Variants in DRD3 observed in about 807,000 individuals in gnomAD.
The protein encoded by DRD3 is dopamine receptor D3, also known as D(3) dopamine receptor.
In DRD3, 19 loss-of-function variants were observed where a neutral mutation model predicts 36.3. The ratio of observed to expected loss-of-function variants is 0.52; its 90% CI spans 0.36 to 0.77. The LOEUF is 0.77. Ranked by LOEUF, DRD3 falls within the 30% of genes least tolerant of loss-of-function variation. The pLI is 0.00. For synonymous variants in DRD3, 195 were observed against 203.7 expected (o/e 0.96, Z 0.36); for missense variants, 465 against 505.3 (o/e 0.92, Z 0.77).
intron 1 of DRD3, among the ~76,000 whole-genome samples, chr3:114,191,229 A>G (rs1422155867): frequency 6.6e-6 from 1 of 152,234 alleles, no homozygotes; most frequent in African/African-American, 2.4e-5. Flanking sequence ...GATAATGGTG[A>G]ACATTATGCA....
chr3:114,164,211 C>A (rs111248254), intron 2 of DRD3, among the ~76,000 whole-genome samples: 30,115 of 110,000 alleles, frequency 0.27, 4,130 homozygotes, highest in Middle Eastern at 0.4. Context: ...ATAGAGCGAG[C>A]CTCAGTCTCA....
chr3:114,139,792 C>CTT, intron 4 of DRD3, 96 bp from the exon 5 acceptor site: 1 of 1,161,926 alleles, frequency 8.6e-7, no homozygotes, highest in Non-Finnish European at 1.2e-6. Flanking sequence ...GGTGCCTGCA[C>CTT]TTTCTGCTGC....
chr3:114,128,735 A>AG lies in DRD3; in HGVS notation c.1183dup (p.Leu395ProfsTer69). On this transcript the variant is annotated frameshift_variant, in exon 7 of 7. Coordinates refer to ENST00000383673, the MANE Select transcript of DRD3 (RefSeq NM_000796.6). LOFTEE classifies it high-confidence loss of function. ...GCTCCCTCAGCAAGACAGGATCTTG[A>AG]GGAAGGCTTTCCGGAACTCGATATT... 6.2e-7 allele frequency: 1 copy of AG among 1,604,990 alleles called. No individual in the cohort carries two copies. The highest frequency in any genetic ancestry group is 8.5e-7 in the Non-Finnish European group (1 of 1,175,232).
At chr3:114,152,425 T>C (rs1386619241) in intron 3 of DRD3, among the ~76,000 whole-genome samples, 1 of 152,222 alleles carries the variant, frequency 6.6e-6, no homozygotes, top group Non-Finnish European at 1.5e-5. Context: ...TAGGGAAAAC[T>C]TCTGTGACAA....
intron 1 of DRD3, among the ~76,000 whole-genome samples, chr3:114,194,489 G>T (rs1480710657): frequency 6.6e-6 from 1 of 152,028 alleles, no homozygotes; most frequent in East Asian, 1.9e-4. Flanking sequence ...TACCATGTTG[G>T]CCAGGCTGGT....
intron 4 of DRD3, among the ~76,000 whole-genome samples, chr3:114,140,532 G>A (rs957458521): frequency 3.9e-5 from 6 of 152,180 alleles, no homozygotes; most frequent in Non-Finnish European, 7.4e-5. Context: ...TGAGCCAAGA[G>A]CTTTGTACCC....
Position 114,135,682 on chromosome 3 carries a change from T to G in DRD3, c.723+3818A>C, listed in dbSNP as rs770168188. ...TTATGGTGTGTTTTTTTGTTTGTTT[T>G]TTTTTGTTGTTGTTTGTTTGTTTTT... is the stretch of plus-strand genomic sequence containing the variant. On this transcript the variant is annotated intron_variant, in intron 5 of 6. Transcript: ENST00000383673. Among the ~76,000 whole-genome samples the G allele has an allele frequency of 1.0e-3, 155 of 152,256 alleles. 1 individual carries two copies. Among genetic ancestry groups the G allele is most frequent in the Admixed American group, 2.9e-3 (45 of 15,274 alleles).
intron 3 of DRD3, among the ~76,000 whole-genome samples, chr3:114,153,102 A>G (rs916714632): frequency 3.9e-5 from 6 of 152,142 alleles, no homozygotes; most frequent in Non-Finnish European, 1.5e-5. Context: ...GGCATGAGAA[A>G]CGGACTGATC....
intron 5 of DRD3, among the ~76,000 whole-genome samples, chr3:114,137,052 C>T (rs2077481144): frequency 6.6e-6 from 1 of 152,220 alleles, no homozygotes; most frequent in Non-Finnish European, 1.5e-5. Flanking sequence ...CATATGCTTT[C>T]TCAATATCTT....
intron 2 of DRD3, among the ~76,000 whole-genome samples, chr3:114,169,465 C>G (rs61595610): frequency 0.073 from 11,114 of 151,584 alleles, 868 homozygotes; most frequent in African/African-American, 0.2. Flanking sequence ...TTTTAAAAAT[C>G]ATGCTCTTAT....
upstream of DRD3, among the ~76,000 whole-genome samples, chr3:114,183,318 A>G (rs974713604): frequency 6.6e-6 from 1 of 152,330 alleles, no homozygotes; most frequent in East Asian, 1.9e-4. Context: ...TTTAAAATCT[A>G]TTGAGACACA....
chr3:114,167,310 G>A (rs772141908), intron 2 of DRD3, among the ~76,000 whole-genome samples: 1 of 152,136 alleles, frequency 6.6e-6, no homozygotes, highest in Non-Finnish European at 1.5e-5. Context: ...CATCACAAAA[G>A]GTGCTTCACT....
In DRD3 at chr3:114,159,815, G is replaced by C. The variant is rs1242844218; in HGVS notation, c.323C>G (p.Thr108Ser). 2 of 1,614,106 alleles carry C rather than the reference G, an allele frequency of 1.2e-6. No homozygotes were observed. Among genetic ancestry groups the C allele is most frequent in the East Asian group, 4.5e-5 (2 of 44,876 alleles). ...FSRICCDVFV[T>S]LDVMMCTASI... ...GGCTGTACACATCATGACATCCAGG[G>C]TGACAAAAACATCACAGCAAATGCG... The change falls in exon 3 of 7, where the codon ACC (threonine) becomes AGC (serine). Residue 108 changes from threonine (T) to serine (S), a missense_variant. Physicochemically the swap from Thr to Ser is moderately conservative, Grantham distance 58. Transcript: ENST00000383673.
At position 114,159,861 on chromosome 3, in the gene DRD3, C is replaced by G. The variant is rs764829977; in HGVS notation, c.277G>C (p.Gly93Arg). The part of the protein sequence containing the change: ...MPWVVYLEVT[G>R]GVWNFSRICC... ...ATGCGGCTGAAATTCCAGACTCCAC[C>G]TGTCACCTGGGTATCAGAGACAAGG... The change falls in exon 3 of 7, where the codon GGT becomes CGT. Residue 93 changes from glycine (G) to arginine (R), a missense_variant. Gly to Arg is a moderately radical substitution (Grantham distance 125). Coordinates refer to ENST00000383673, the MANE Select transcript of DRD3 (RefSeq NM_000796.6). 1 of 1,613,918 alleles carries G rather than the reference C, an allele frequency of 6.2e-7. No individual in the cohort carries two copies. The highest frequency in any genetic ancestry group is 2.2e-5 in the East Asian group (1 of 44,888).
At chr3:114,179,648 C>T (rs1577627762), upstream of DRD3, among the ~76,000 whole-genome samples, 1 of 152,290 alleles carries the variant, frequency 6.6e-6, no homozygotes, top group East Asian at 1.9e-4. Flanking sequence ...TTACATTTTA[C>T]TGTGGCATCC....
In DRD3 at chr3:114,178,823, A is replaced by T. The variant is rs1266233014; in HGVS notation, c.-202T>A. ...ATCACCCATTTTTGCCTCTAAGGTG[A>T]AATTACTTGAGTGCTGCTTTTCCAG... On this transcript the variant is annotated 5_prime_UTR_variant, in exon 1 of 7. Coordinates refer to ENST00000383673, the MANE Select transcript of DRD3 (RefSeq NM_000796.6). The T allele has an allele frequency of 6.6e-6, 1 of 152,166 alleles. No individual in the cohort carries two copies. Among genetic ancestry groups the T allele is most frequent in the African/African-American group, 2.4e-5 (1 of 41,442 alleles). 9.4% of individuals were successfully genotyped at this position (152,166 alleles called of 1,614,324 possible).
intron 1 of DRD3, among the ~76,000 whole-genome samples, chr3:114,185,878 T>A (rs2077972694): frequency 6.6e-6 from 1 of 152,186 alleles, no homozygotes; most frequent in Non-Finnish European, 1.5e-5. Context: ...AGTCTCACAA[T>A]GTTGCCCAGG....
At position 114,137,983 on chromosome 3, in the gene DRD3, G is replaced by A. The variant is rs1451720768; in HGVS notation, c.723+1517C>T. The stretch of plus-strand genomic sequence containing the variant: ...ACTGCACTCCCGCCTGGGCCACAGA[G>A]CGAGACTCCGTCTCAAAAAAAAAAA... On this transcript the variant is annotated intron_variant, in intron 5 of 6. Transcript: ENST00000383673. Among the ~76,000 whole-genome samples the A allele has an allele frequency of 3.5e-4, 45 of 127,406 alleles. 1 individual carries two copies. Among genetic ancestry groups the A allele is most frequent in the African/African-American group, 1.3e-3 (45 of 33,420 alleles). 83.6% of individuals were successfully genotyped at this position (127,406 alleles called of 152,430 possible).
chr3:114,139,808 G>T, intron 4 of DRD3, 112 bp from the exon 5 acceptor site: 3 of 981,882 alleles, frequency 3.1e-6, no homozygotes, highest in South Asian at 3.3e-5. Context: ...GCTGCACAGG[G>T]GGTGGGAAGG....
Sources: allele counts gnomAD v4.1 joint callset (sites outside exome capture counted in the v4.1 genomes callset), GRCh38; gene constraint gnomAD v4.1.1; transcripts MANE v1.5; gene names NCBI Gene and HGNC (gene_info 2026-07-23, HGNC 2026-07-21).